The following RCC2 variants were observed in gnomAD, a reference collection of about 807,000 sequenced individuals.
RCC2 encodes regulator of chromosome condensation 2.
RCC2 carries 19 observed loss-of-function variants against 64.1 expected under a neutral mutation model. The observed-to-expected ratio is 0.30, with a 90% CI of 0.21 to 0.44. RCC2 has a LOEUF of 0.44. Ranked by LOEUF, RCC2 falls within the 20% of genes least tolerant of loss-of-function variation. The pLI is 1.00. For missense variants in RCC2, 508 were observed against 710.4 expected, an observed-to-expected ratio of 0.72 and a Z score of 3.24; for synonymous variants, 325 against 279.6, an observed-to-expected ratio of 1.16 and a Z score of -1.62.
chr1:17,409,329 C>T, intron 12 of RCC2, 135 bp from the exon 13 acceptor site: 1 of 652,204 alleles, frequency 1.5e-6, no homozygotes, highest in South Asian at 1.7e-5. Flanking sequence ...CTGCAAAAAG[C>T]CCCTCTGCCC....
Position 17,438,404 on chromosome 1 carries a change from C to T in RCC2, c.111G>A (p.Glu37=). The T allele has an allele frequency of 7.9e-7, 1 of 1,264,880 alleles. No homozygotes were observed. The highest frequency in any genetic ancestry group is 1.6e-5 in the African/African-American group (1 of 64,188). 78.4% of individuals were successfully genotyped at this position (1,264,880 alleles called of 1,614,324 possible). The change falls in exon 2 of 13, where the codon GAG becomes GAA. Residue 37 remains glutamate, a synonymous_variant. Transcript: ENST00000375436. ...KRGGPAGRKR[E]RPERCSSSSG... ...TGCTGCTACTGCAGCGCTCGGGCCG[C>T]TCGCGCTTCCTGCCCGCCGGGCCGC... is the stretch of plus-strand genomic sequence containing the variant.
intron 2 of RCC2, among the ~76,000 whole-genome samples, chr1:17,435,918 CAAAA>C (rs57932179): frequency 6.8e-5 from 6 of 88,236 alleles, no homozygotes; most frequent in Non-Finnish European, 7.1e-5. Context: ...AACTCCAGCT[CAAAA>C]AAAAAAAAAA....
rs1289087138 is a variant in RCC2 at position 17,427,882 on chromosome 1, CTG to C, written c.379+1222_379+1223del. 2.7e-4 allele frequency among the ~76,000 whole-genome samples: 41 copies of C among 152,284 alleles called. 1 individual carries two copies. The East Asian group carries it at 5.8e-3, about 22-fold the overall frequency. On this transcript the variant is annotated intron_variant, in intron 3 of 12. Coordinates refer to ENST00000375436, the MANE Select transcript of RCC2 (RefSeq NM_018715.4). Reference sequence around the variant, plus strand: ...AAACGCCCTGCAGCAGTCCCAGGCTCTGCGGTCAGACTGAGAAGTCAATTCCC... The same window carrying C: ...AAACGCCCTGCAGCAGTCCCAGGCTCCGGTCAGACTGAGAAGTCAATTCCC...
chr1:17,413,790 T>C (rs1307204792), intron 8 of RCC2, 73 bp from the exon 9 acceptor site: 4 of 1,365,892 alleles, frequency 2.9e-6, no homozygotes, highest in Admixed American at 2.1e-5. Flanking sequence ...ATCGTTTCTG[T>C]GCAGACAACC....
In RCC2 at chr1:17,438,508, T is replaced by TG; in HGVS notation, c.6dup (p.Arg3GlnfsTer42). 7.4e-7 allele frequency: 1 copy of TG among 1,343,488 alleles called. No individual in the cohort carries two copies. Among genetic ancestry groups the TG allele is most frequent in the Non-Finnish European group, 9.5e-7 (1 of 1,049,458 alleles). The allele number at this position is 1,343,488 out of a possible 1,614,324, so 83.2% of individuals were successfully genotyped here. A position where few individuals can be genotyped will look rare whatever the true frequency, so the allele number is the denominator to read the frequency against. The stretch of plus-strand genomic sequence containing the variant: ...CAGGCCGCCGCCGCCGCCTTCTTCC[T>TG]GGGCATGGTCGCGGCTGGAGGGAGA... On this transcript the variant is annotated frameshift_variant, in exon 2 of 13. Coordinates refer to ENST00000375436, the MANE Select transcript of RCC2 (RefSeq NM_018715.4). LOFTEE classifies it high-confidence loss of function.
chr1:17,428,707 G>A (rs1274741330), intron 3 of RCC2, among the ~76,000 whole-genome samples: 1 of 152,136 alleles, frequency 6.6e-6, no homozygotes, highest in Non-Finnish European at 1.5e-5. Flanking sequence ...AAAGAAACGT[G>A]GACTCTTCTG....
chr1:17,414,724 T>G (rs889418612), intron 8 of RCC2, among the ~76,000 whole-genome samples: 5 of 152,002 alleles, frequency 3.3e-5, no homozygotes, highest in Non-Finnish European at 7.4e-5. Flanking sequence ...CTCCACCTCC[T>G]GGGCTCAAGC....
intron 10 of RCC2, among the ~76,000 whole-genome samples, chr1:17,412,563 C>T (rs919262107): frequency 6.6e-6 from 1 of 152,170 alleles, no homozygotes; most frequent in Non-Finnish European, 1.5e-5. Flanking sequence ...TTGGGCAGGG[C>T]TAGAGCCTTC....
intron 12 of RCC2, among the ~76,000 whole-genome samples, chr1:17,409,729 C>T (rs920458224): frequency 1.3e-5 from 2 of 152,238 alleles, no homozygotes; most frequent in Non-Finnish European, 2.9e-5. Context: ...GGATCTGCTG[C>T]GGCCAGTTGG....
intron 5 of RCC2, among the ~76,000 whole-genome samples, chr1:17,422,502 C>T (rs2075566499): frequency 6.6e-6 from 1 of 152,200 alleles, no homozygotes; most frequent in African/African-American, 2.4e-5. Flanking sequence ...GCAGCGTCTC[C>T]TACTCCCAGA....
At chr1:17,431,332 T>G in intron 2 of RCC2, among the ~76,000 whole-genome samples, 1 of 8,022 alleles carries the variant, frequency 1.2e-4, no homozygotes, top group Non-Finnish European at 2.2e-4. Context: ...AGACTCCATC[T>G]CAAAAAAAAA....
intron 6 of RCC2, 65 bp from the exon 7 acceptor site, chr1:17,420,893 G>T: frequency 1.9e-6 from 2 of 1,026,934 alleles, no homozygotes; most frequent in Non-Finnish European, 2.9e-6. Context: ...CTACCTCTCT[G>T]CATGTTGGTG....
intron 2 of RCC2, among the ~76,000 whole-genome samples, chr1:17,433,397 G>A (rs564761736): frequency 9.3e-4 from 141 of 152,334 alleles, no homozygotes; most frequent in African/African-American, 3.1e-3. Flanking sequence ...AGAGACTCCC[G>A]CGCTTGCGGG....
intron 4 of RCC2, among the ~76,000 whole-genome samples, chr1:17,424,537 A>G (rs769749666): frequency 1.4e-4 from 22 of 152,242 alleles, no homozygotes; most frequent in Non-Finnish European, 5.9e-5. Flanking sequence ...GAGACTATAA[A>G]GTATAAATTT....
intron 7 of RCC2, among the ~76,000 whole-genome samples, chr1:17,420,031 G>A (rs996737576): frequency 1.3e-5 from 2 of 152,338 alleles, no homozygotes; most frequent in Admixed American, 6.5e-5. Flanking sequence ...CCAGCAGAGG[G>A]CGCCCGCGCC....
At chr1:17,416,733 C>T (rs1409760420) in intron 7 of RCC2, 87 bp from the exon 8 acceptor site, 24 of 1,373,296 alleles carry the variant, frequency 1.7e-5, no homozygotes, top group Admixed American at 4.8e-5. Context: ...TAGTGAGCCC[C>T]GGCAGCACCC....
At chr1:17,415,009 GTTTAAGA>G (rs2075467789) in intron 8 of RCC2, among the ~76,000 whole-genome samples, 1 of 152,194 alleles carries the variant, frequency 6.6e-6, no homozygotes, top group African/African-American at 2.4e-5. Flanking sequence ...CACTTCAAGT[GTTTAAGA>G]TTTATCTTCT....
intron 1 of RCC2, 90 bp downstream of exon 1, chr1:17,439,455 T>A (rs1183267639): frequency 6.7e-6 from 1 of 149,404 alleles, no homozygotes. Flanking sequence ...CCCCCAGGTT[T>A]TTTTTTAACC....
intron 7 of RCC2, among the ~76,000 whole-genome samples, chr1:17,420,335 C>T (rs1049829940): frequency 1.3e-5 from 2 of 152,170 alleles, no homozygotes; most frequent in African/African-American, 4.8e-5. Flanking sequence ...GCCAGGGTTT[C>T]CAGAACAACG....
Sources: gnomAD v4.1 joint callset for allele counts (sites outside exome capture counted in the v4.1 genomes callset) on GRCh38, gnomAD v4.1.1 for gene constraint, MANE v1.5 for transcripts, NCBI Gene and HGNC (gene_info 2026-07-23, HGNC 2026-07-21) for gene names.